CPNE4: variants seen among roughly 807,000 people sequenced by gnomAD.
CPNE4 encodes copine 4.
A neutral mutation model predicts 67.9 loss-of-function variants in CPNE4; 25 were observed. That is an observed-to-expected ratio of 0.37 (90% CI 0.27 to 0.51). The LOEUF (loss-of-function observed/expected upper bound fraction) is 0.51. Ranked by LOEUF, CPNE4 falls within the 20% of genes least tolerant of loss-of-function variation. The pLI, the probability that CPNE4 is intolerant of heterozygous loss-of-function variation, is 0.93. For synonymous variants in CPNE4, 242 were observed against 244.9 expected (o/e 0.99, Z 0.11); for missense variants, 464 against 690.8 (o/e 0.67, Z 3.68).
chr3:131,970,831 T>C (rs914161966), intron 1 of CPNE4, among the ~76,000 whole-genome samples: 2 of 152,230 alleles, frequency 1.3e-5, no homozygotes, highest in African/African-American at 4.8e-5. Flanking sequence ...ATTATTAATG[T>C]AGATATAGAA....
At chr3:131,847,534 T>C (rs767268008) in intron 2 of CPNE4, among the ~76,000 whole-genome samples, 4 of 152,144 alleles carry the variant, frequency 2.6e-5, no homozygotes, top group Non-Finnish European at 4.4e-5. Context: ...TGGGGGTCGA[T>C]AGGTAGTGGA....
chr3:131,843,446 G>A (rs1159969836), intron 2 of CPNE4, among the ~76,000 whole-genome samples: 1 of 152,202 alleles, frequency 6.6e-6, no homozygotes, highest in Admixed American at 6.5e-5. Flanking sequence ...GCGATATGGA[G>A]CACATAGAAA....
intron 1 of CPNE4, among the ~76,000 whole-genome samples, chr3:131,952,027 G>A (rs1296604387): frequency 1.3e-4 from 19 of 143,642 alleles, no homozygotes; most frequent in South Asian, 2.3e-4. Flanking sequence ...GCCGCCCATC[G>A]TCTGGGATGT....
intron 7 of CPNE4, among the ~76,000 whole-genome samples, chr3:131,610,664 C>T (rs1389043941): frequency 6.6e-6 from 1 of 152,142 alleles, no homozygotes; most frequent in Non-Finnish European, 1.5e-5. Flanking sequence ...TTGCTTGTCT[C>T]CTTCTCCTCT....
intron 1 of CPNE4, among the ~76,000 whole-genome samples, chr3:132,028,260 G>A (rs6787369): frequency 0.56 from 84,422 of 151,986 alleles, 24,001 homozygotes; most frequent in South Asian, 0.64. Flanking sequence ...AGTATAACAG[G>A]ACTTGTAAAG....
At chr3:131,749,365 G>A (rs2082568448) in intron 2 of CPNE4, among the ~76,000 whole-genome samples, 1 of 152,054 alleles carries the variant, frequency 6.6e-6, no homozygotes, top group Non-Finnish European at 1.5e-5. Flanking sequence ...TTGCCTTGAG[G>A]CCCAAGATAT....
intron 1 of CPNE4, among the ~76,000 whole-genome samples, chr3:131,977,739 G>A (rs186077118): frequency 3.1e-4 from 47 of 151,954 alleles, no homozygotes; most frequent in African/African-American, 1.1e-3. Context: ...GGCTACATGA[G>A]TAAGTTCTTT....
chr3:131,846,461 A>G (rs1330171640), intron 2 of CPNE4, among the ~76,000 whole-genome samples: 1 of 152,114 alleles, frequency 6.6e-6, no homozygotes, highest in African/African-American at 2.4e-5. Context: ...GTAAAAACCC[A>G]TTACATCATT....
At chr3:131,956,750 G>A (rs1464513209) in intron 1 of CPNE4, among the ~76,000 whole-genome samples, 1 of 152,096 alleles carries the variant, frequency 6.6e-6, no homozygotes, top group East Asian at 1.9e-4. Context: ...TTGAATCTTG[G>A]AGAACATATA....
Position 131,723,513 on chromosome 3 carries a change from A to C in CPNE4, c.293T>G (p.Ile98Ser), listed in dbSNP as rs781210579. The C allele has an allele frequency of 1.3e-5, 21 of 1,613,984 alleles. No individual in the cohort carries two copies. Among genetic ancestry groups the C allele is most frequent in the Non-Finnish European group, 1.7e-5 (20 of 1,180,014 alleles). ...CTTCAGCCCATTGTGGTTGCTGCTG[A>C]TGTCATGGACTTCAAACCGCAGGCG... ...VQRLRFEVHD[I>S]SSNHNGLKEA... is the part of the protein sequence containing the mutation. Residue 98 changes from isoleucine (I) to serine (S), a missense_variant, in exon 3 of 16, where the codon ATC becomes AGC. By Grantham distance (142) the Ile-to-Ser change is moderately radical. This residue lies in a region of CPNE4 where 170 missense variants were observed against 203.3 expected (regional missense o/e 0.84). Transcript: ENST00000429747.
chr3:131,842,252 G>C (rs1054307837), intron 2 of CPNE4, among the ~76,000 whole-genome samples: 1 of 152,252 alleles, frequency 6.6e-6, no homozygotes, highest in Non-Finnish European at 1.5e-5. Context: ...TAAGCTGAAA[G>C]AAACCTTCAC....
At chr3:131,598,110 G>A (rs563462490) in intron 7 of CPNE4, among the ~76,000 whole-genome samples, 22 of 152,236 alleles carry the variant, frequency 1.4e-4, no homozygotes, top group Non-Finnish European at 2.2e-4. Context: ...GGATCGAAGA[G>A]ATGGGATTCT....
At chr3:131,692,809 A>G (rs753799508) in intron 5 of CPNE4, among the ~76,000 whole-genome samples, 1 of 152,210 alleles carries the variant, frequency 6.6e-6, no homozygotes, top group African/African-American at 2.4e-5. Context: ...ACTATTACAT[A>G]TGTGGAGACC....
intron 6 of CPNE4, among the ~76,000 whole-genome samples, chr3:131,677,624 G>A (rs1221879981): frequency 6.6e-6 from 1 of 152,060 alleles, no homozygotes; most frequent in Admixed American, 6.6e-5. Context: ...TGTAAAGATG[G>A]GGTCCAGTTT....
chr3:131,978,476 T>TTATATATATTTATATATATTTA (rs2072800017), intron 1 of CPNE4, among the ~76,000 whole-genome samples: 1 of 38,342 alleles, frequency 2.6e-5, no homozygotes, highest in Non-Finnish European at 4.0e-5. Flanking sequence ...ATTTATATAT[T>TTATATATATTTATATATATTTA]TATATATATT....
chr3:131,871,037 G>A (rs967011923), intron 2 of CPNE4, among the ~76,000 whole-genome samples: 34 of 152,232 alleles, frequency 2.2e-4, no homozygotes, highest in African/African-American at 8.2e-4. Context: ...CACTTTAGTA[G>A]TCCATGGAGA....
intron 6 of CPNE4, among the ~76,000 whole-genome samples, chr3:131,683,448 C>T (rs2080806856): frequency 6.6e-6 from 1 of 152,178 alleles, no homozygotes; most frequent in Non-Finnish European, 1.5e-5. Context: ...ATGGGGACCT[C>T]AGGACTCTGC....
At chr3:132,028,312 T>C (rs1410352368) in intron 1 of CPNE4, among the ~76,000 whole-genome samples, 1 of 152,200 alleles carries the variant, frequency 6.6e-6, no homozygotes, top group African/African-American at 2.4e-5. Context: ...AATATCTCCT[T>C]CTTTATCTCT....
intron 10 of CPNE4, among the ~76,000 whole-genome samples, chr3:131,567,232 A>G (rs563467517): frequency 6.6e-6 from 1 of 152,114 alleles, no homozygotes; most frequent in South Asian, 2.1e-4. Flanking sequence ...ATCCATAAAG[A>G]AAAATGGCTG....
Sources: gnomAD v4.1 joint callset for allele counts (sites outside exome capture counted in the v4.1 genomes callset) on GRCh38, gnomAD v4.1.1 for gene constraint, gnomAD v4.1.1 regional missense constraint, MANE v1.5 for transcripts, NCBI Gene and HGNC (gene_info 2026-07-23, HGNC 2026-07-21) for gene names.